LAPTM5: variants seen among roughly 807,000 people sequenced by gnomAD.
LAPTM5 encodes the protein lysosomal protein transmembrane 5, also known as lysosomal-associated transmembrane protein 5.
Under a neutral mutation model 30.1 loss-of-function variants are expected in LAPTM5, and 11 were observed. That is an observed-to-expected ratio of 0.37 (90% CI 0.23 to 0.60). The LOEUF is 0.60. Ranked by LOEUF, LAPTM5 falls within the 20% of genes least tolerant of loss-of-function variation. LAPTM5 has a pLI of 0.71. For missense variants in LAPTM5, 324 were observed against 332.5 expected (o/e 0.97, Z 0.20); for synonymous variants, 151 against 137.9 (o/e 1.10, Z -0.67).
chr1:30,741,284 G>A (rs974486785), intron 3 of LAPTM5, among the ~76,000 whole-genome samples: 3 of 152,028 alleles, frequency 2.0e-5, no homozygotes, highest in African/African-American at 4.8e-5. Flanking sequence ...GCTTTCTCCC[G>A]TCTCTCACCC....
rs1485762424 is a variant in LAPTM5, at chr1:30,749,914, T to C, written c.88-7365A>G. Among the ~76,000 whole-genome samples the C allele has an allele frequency of 2.6e-5, 4 of 151,752 alleles. No individual in the cohort carries two copies. In the East Asian group the frequency reaches 7.8e-4, roughly 29 times the overall value. On this transcript the variant is annotated intron_variant, in intron 1 of 7. Coordinates refer to ENST00000294507, the MANE Select transcript of LAPTM5 (RefSeq NM_006762.3). ...CTGGGGGAACACACGGATCCACCGG[T>C]TTGGCAGGGGTGGGGCCTCTGGGGT... is the stretch of plus-strand genomic sequence containing the variant.
At chr1:30,738,235 G>A (rs1188356) in intron 5 of LAPTM5, among the ~76,000 whole-genome samples, 1 of 152,070 alleles carries the variant, frequency 6.6e-6, no homozygotes, top group South Asian at 2.1e-4. Flanking sequence ...ACTTAGCAAC[G>A]CACTTCTAAC....
At chr1:30,741,813 A>G in intron 2 of LAPTM5, 97 bp from the exon 3 acceptor site, 1 of 822,160 alleles carries the variant, frequency 1.2e-6, no homozygotes, top group Non-Finnish European at 1.9e-6. Context: ...GTTTGGGGAC[A>G]TGAGGATGCA....
At chr1:30,742,166 C>T in intron 2 of LAPTM5, 1 of 491,032 alleles carries the variant, frequency 2.0e-6, no homozygotes, top group Non-Finnish European at 3.7e-6. Context: ...GATGAGCAGC[C>T]ACTGACGGCT....
At chr1:30,753,294 G>A (rs1205939449) in intron 1 of LAPTM5, among the ~76,000 whole-genome samples, 4 of 152,102 alleles carry the variant, frequency 2.6e-5, no homozygotes, top group Admixed American at 6.5e-5. Context: ...GAGGTGGGGC[G>A]GAACTCCCCA....
chr1:30,750,861 G>A (rs554288301), intron 1 of LAPTM5, among the ~76,000 whole-genome samples: 2 of 152,366 alleles, frequency 1.3e-5, no homozygotes, highest in South Asian at 2.1e-4. Flanking sequence ...AGGAAATTGA[G>A]GCTGGGGGAC....
Position 30,739,025 on chromosome 1 carries a change from A to G in LAPTM5, c.425T>C (p.Leu142Pro). ...GGTCAGGATGCTCAGGCAGAAGTCC[A>G]GCAGCTGCAGCGTCATCAGGGGGAA... ...SKFPLMTLQL[L>P]DFCLSILTLC... The change falls in exon 5 of 8, where the codon CTG (leucine) becomes CCG (proline). Residue 142 changes from leucine (L) to proline (P), a missense_variant. Physicochemically the swap from Leu to Pro is moderately conservative, Grantham distance 98. Coordinates refer to ENST00000294507, the MANE Select transcript of LAPTM5 (RefSeq NM_006762.3). This position sits in a 1 kb window ranked among gnomAD's most constrained non-coding sequence, Gnocchi z 4.2. 1 of 1,604,696 alleles carries G rather than the reference A, an allele frequency of 6.2e-7. No homozygotes were observed. The highest frequency in any genetic ancestry group is 8.5e-7 in the Non-Finnish European group (1 of 1,175,340).
chr1:30,755,845 GA>G (rs1322793843), intron 1 of LAPTM5, among the ~76,000 whole-genome samples: 1 of 152,202 alleles, frequency 6.6e-6, no homozygotes, highest in Non-Finnish European at 1.5e-5. Context: ...AACATCAGAA[GA>G]GCGGCCACCA....
intron 1 of LAPTM5, among the ~76,000 whole-genome samples, chr1:30,753,553 A>T (rs1407360760): frequency 6.6e-6 from 1 of 152,120 alleles, no homozygotes; most frequent in East Asian, 1.9e-4. Context: ...ACCACCAGAG[A>T]CCCCAGTTGA....
intron 7 of LAPTM5, among the ~76,000 whole-genome samples, chr1:30,734,474 G>A (rs750073164): frequency 6.6e-6 from 1 of 152,212 alleles, no homozygotes; most frequent in African/African-American, 2.4e-5. Flanking sequence ...TCAAGAGTTG[G>A]AGAGGACGAG....
intron 1 of LAPTM5, among the ~76,000 whole-genome samples, chr1:30,745,414 C>G (rs1042570321): frequency 3.9e-5 from 6 of 152,056 alleles, no homozygotes; most frequent in Admixed American, 3.3e-4. Flanking sequence ...GCGCCCCCAT[C>G]CCCTCTCCCT....
chr1:30,749,199 G>A (rs1640092669), intron 1 of LAPTM5, among the ~76,000 whole-genome samples: 1 of 152,240 alleles, frequency 6.6e-6, no homozygotes, highest in Non-Finnish European at 1.5e-5. Context: ...CAACCACACA[G>A]ACGAAGCTCC....
Position 30,733,741 on chromosome 1 carries a change from C to T in LAPTM5, c.*87G>A. ...TGCCAGGGAGGGGCGGGAGGGCCCA[C>T]CCAGGCCACAGGGGCCACCAAAGCA... is the stretch of plus-strand genomic sequence containing the variant. On this transcript the variant is annotated 3_prime_UTR_variant, in exon 8 of 8. Transcript: ENST00000294507. 1.3e-6 allele frequency: 2 copies of T among 1,537,690 alleles called. No homozygotes were observed. Among genetic ancestry groups the T allele is most frequent in the South Asian group, 2.4e-5 (2 of 84,050 alleles).
intron 1 of LAPTM5, among the ~76,000 whole-genome samples, chr1:30,754,749 A>G (rs963380069): frequency 1.3e-5 from 2 of 152,218 alleles, no homozygotes; most frequent in Admixed American, 1.3e-4. Context: ...GGCTTCCCTC[A>G]TGTAATAACG....
rs761082351 is a variant in LAPTM5, at chr1:30,739,766, C to G, written c.387+43G>C. ...TCCCCTCCCATCTCCCATGCCAGAC[C>G]TGGGCTCTGCTGTCCGGTGAGAGGT... On this transcript the variant is annotated intron_variant, in intron 4 of 7. Coordinates refer to ENST00000294507, the MANE Select transcript of LAPTM5 (RefSeq NM_006762.3). The surrounding 1 kb of genome is among the most constrained non-coding windows in gnomAD (Gnocchi z 4.2). 20 of 1,548,158 alleles carry G rather than the reference C, an allele frequency of 1.3e-5. No homozygotes were observed. The highest frequency in any genetic ancestry group is 4.4e-6 in the Non-Finnish European group (5 of 1,144,618).
In LAPTM5 at chr1:30,733,617, C is replaced by A. The variant is rs769318025; in HGVS notation, c.*211G>T. 6.5e-7 allele frequency: 1 copy of A among 1,530,860 alleles called. No individual in the cohort carries two copies. The highest frequency in any genetic ancestry group is 2.5e-5 in the East Asian group (1 of 40,670). 94.8% of individuals were successfully genotyped at this position (1,530,860 alleles called of 1,614,324 possible). A position where few individuals can be genotyped will look rare whatever the true frequency, so the allele number is the denominator to read the frequency against. On this transcript the variant is annotated 3_prime_UTR_variant, in exon 8 of 8. Coordinates refer to ENST00000294507, the MANE Select transcript of LAPTM5 (RefSeq NM_006762.3). ...TTGTTGGGCTGAATTATGGAGAGAC[C>A]CGAGGAGTGACTCAGCCTAAAGCGT...
chr1:30,737,395 C>A lies in LAPTM5; in HGVS notation c.606+209G>T, dbSNP rs1174708355. Reference sequence around the variant, plus strand: ...GACATCTGAACGCAGGTGGCCTTTACGGATTCACATGCCCTAAATGGGCTG... The same window carrying A: ...GACATCTGAACGCAGGTGGCCTTTAAGGATTCACATGCCCTAAATGGGCTG... On this transcript the variant is annotated intron_variant, in intron 6 of 7. Coordinates refer to ENST00000294507, the MANE Select transcript of LAPTM5 (RefSeq NM_006762.3). Among the ~76,000 whole-genome samples the A allele has an allele frequency of 2.6e-5, 4 of 152,072 alleles. No homozygotes were observed. The East Asian group carries it at 5.8e-4, about 22-fold the overall frequency.
At chr1:30,757,033 C>T (rs543338484) in intron 1 of LAPTM5, among the ~76,000 whole-genome samples, 65 of 152,324 alleles carry the variant, frequency 4.3e-4, no homozygotes, top group African/African-American at 1.5e-3. Context: ...GAGCTTGGGC[C>T]GGACAAGTTA....
At position 30,737,644 on chromosome 1, in the gene LAPTM5, A is replaced by G; in HGVS notation, c.566T>C (p.Ile189Thr). The change falls in exon 6 of 8, where the codon ATC becomes ACC. Residue 189 changes from isoleucine to threonine, a missense_variant. Coordinates refer to ENST00000294507, the MANE Select transcript of LAPTM5 (RefSeq NM_006762.3). ...AGTGATGAAGGCGATGGAAAAGATG[A>G]TCATCATCTTGATGAACTGGTTATG... ...MPHNQFIKMM[I>T]IFSIAFITVL... The G allele has an allele frequency of 1.2e-6, 2 of 1,613,772 alleles. No homozygotes were observed. Among genetic ancestry groups the G allele is most frequent in the Non-Finnish European group, 1.7e-6 (2 of 1,179,826 alleles).
Sources: gnomAD v4.1 joint callset for allele counts (sites outside exome capture counted in the v4.1 genomes callset) on GRCh38, gnomAD v4.1.1 for gene constraint, Gnocchi (gnomAD v3.1) non-coding constraint, MANE v1.5 for transcripts, NCBI Gene and HGNC (gene_info 2026-07-23, HGNC 2026-07-21) for gene names.